Variants in EDIL3 observed in about 807,000 individuals in gnomAD.
EDIL3 encodes the protein EGF like and discoidin domains 3, also known as EGF-like repeat and discoidin I-like domain-containing protein 3.
EDIL3 carries 37 observed loss-of-function variants against 67.4 expected under a neutral mutation model. The ratio of observed to expected loss-of-function variants is 0.55; its 90% CI spans 0.42 to 0.72. EDIL3 has a LOEUF of 0.72. EDIL3 is among the 30% of genes least tolerant of loss of function. EDIL3 has a pLI of 0.00. For missense variants in EDIL3, 527 were observed against 586.3 expected (o/e 0.90, Z 1.04); for synonymous variants, 195 against 196.3 (o/e 0.99, Z 0.05).
intron 6 of EDIL3, among the ~76,000 whole-genome samples, chr5:84,073,397 A>G (rs541244090): frequency 2.7e-4 from 41 of 152,314 alleles, no homozygotes; most frequent in African/African-American, 9.6e-4. Flanking sequence ...GGAAAAGAGG[A>G]AGTCAAATTG....
At chr5:84,310,398 A>G (rs1156339409) in intron 1 of EDIL3, among the ~76,000 whole-genome samples, 1 of 152,216 alleles carries the variant, frequency 6.6e-6, no homozygotes, top group Non-Finnish European at 1.5e-5. Flanking sequence ...CATTATGTTA[A>G]AACCATGTAT....
chr5:84,086,822 T>G (rs10073918), intron 6 of EDIL3, among the ~76,000 whole-genome samples: 56,177 of 151,910 alleles, frequency 0.37, 10,601 homozygotes, highest in Middle Eastern at 0.46. Flanking sequence ...ACGCAGAAGG[T>G]GCTGATAAAT....
intron 5 of EDIL3, among the ~76,000 whole-genome samples, chr5:84,128,141 A>G (rs1014533516): frequency 6.6e-6 from 1 of 152,116 alleles, no homozygotes; most frequent in East Asian, 1.9e-4. Context: ...CTAGGGTCAC[A>G]CTAGCTGTTG....
intron 6 of EDIL3, among the ~76,000 whole-genome samples, chr5:84,092,685 A>G (rs1204458432): frequency 6.6e-6 from 1 of 152,214 alleles, no homozygotes; most frequent in Admixed American, 6.5e-5. Context: ...ATAATTTTAC[A>G]TTAACAATAT....
intron 6 of EDIL3, among the ~76,000 whole-genome samples, chr5:84,098,038 G>A (rs371169460): frequency 3.7e-4 from 56 of 151,190 alleles, no homozygotes; most frequent in African/African-American, 1.2e-3. Flanking sequence ...TTAATGTAGT[G>A]GTTAATTATT....
At chr5:83,970,176 T>C (rs892287112) in intron 9 of EDIL3, among the ~76,000 whole-genome samples, 2 of 150,890 alleles carry the variant, frequency 1.3e-5, no homozygotes, top group African/African-American at 2.4e-5. Flanking sequence ...AATTGAAAAG[T>C]GGCATTTTTA....
chr5:83,963,835 G>T (rs2112130432), intron 9 of EDIL3, among the ~76,000 whole-genome samples: 1 of 151,666 alleles, frequency 6.6e-6, no homozygotes, highest in Non-Finnish European at 1.5e-5. Context: ...AATAGTATTA[G>T]ATTTTCACAA....
intron 4 of EDIL3, among the ~76,000 whole-genome samples, chr5:84,168,208 G>A (rs998903453): frequency 6.6e-6 from 1 of 151,968 alleles, no homozygotes; most frequent in Non-Finnish European, 1.5e-5. Context: ...TGTAAATGAT[G>A]TTCTATTTTT....
chr5:84,171,491 G>C (rs1402025995), intron 4 of EDIL3, among the ~76,000 whole-genome samples: 1 of 152,152 alleles, frequency 6.6e-6, no homozygotes, highest in Non-Finnish European at 1.5e-5. Flanking sequence ...TGTTGCAGGG[G>C]GTGGATCCGA....
chr5:84,176,812 GATAT>G (rs10694924), intron 4 of EDIL3, among the ~76,000 whole-genome samples: 14 of 149,014 alleles, frequency 9.4e-5, no homozygotes, highest in Non-Finnish European at 1.5e-4. Flanking sequence ...ATTCTTCTAT[GATAT>G]ATATATATAT....
At chr5:84,085,806 T>A (rs1283590854) in intron 6 of EDIL3, among the ~76,000 whole-genome samples, 1 of 152,150 alleles carries the variant, frequency 6.6e-6, no homozygotes, top group Non-Finnish European at 1.5e-5. Flanking sequence ...TGCCCCTCCC[T>A]CCATGTGCTC....
intron 8 of EDIL3, among the ~76,000 whole-genome samples, chr5:84,063,152 G>A (rs1746574580): frequency 6.6e-6 from 1 of 152,090 alleles, no homozygotes; most frequent in Non-Finnish European, 1.5e-5. Flanking sequence ...CGTGCCATGT[G>A]TGAAAGACTG....
rs992267860 is a variant in EDIL3, at chr5:84,384,624, G to C, written c.-250C>G. ...GGTGGGTGAGCTCCGGGGAGCCGCC[G>C]GCGGGCTCAGCCCTCCGCTGCGGGT... On this transcript the variant is annotated 5_prime_UTR_variant, in exon 1 of 11. Transcript: ENST00000296591. The C allele has an allele frequency of 4.3e-5, 13 of 300,274 alleles. No individual in the cohort carries two copies. The highest frequency in any genetic ancestry group is 7.3e-5 in the Non-Finnish European group (12 of 163,998). The allele number at this position is 300,274 out of a possible 1,614,324, so 18.6% of individuals were successfully genotyped here.
chr5:84,295,357 A>G (rs1187708074), intron 1 of EDIL3, among the ~76,000 whole-genome samples: 2 of 152,088 alleles, frequency 1.3e-5, no homozygotes, highest in Non-Finnish European at 2.9e-5. Context: ...AAAAAAGTCT[A>G]AAATATTTCA....
At chr5:84,048,294 G>A (rs1214549727) in intron 9 of EDIL3, 3 of 430,434 alleles carry the variant, frequency 7.0e-6, no homozygotes, top group Non-Finnish European at 1.4e-5. Flanking sequence ...TTGTTCAGAA[G>A]GCAAAATAAG....
chr5:84,297,675 T>C (rs1746078153), intron 1 of EDIL3, among the ~76,000 whole-genome samples: 1 of 152,132 alleles, frequency 6.6e-6, no homozygotes. Flanking sequence ...ATGCTATTTA[T>C]TGGTAATCCA....
intron 2 of EDIL3, among the ~76,000 whole-genome samples, chr5:84,252,426 G>A (rs1363155460): frequency 1.4e-5 from 2 of 141,242 alleles, no homozygotes; most frequent in Non-Finnish European, 3.0e-5. Flanking sequence ...CCCGGGGTGC[G>A]GAGCTTGCAG....
chr5:84,065,944 T>A (rs4703981), intron 7 of EDIL3, among the ~76,000 whole-genome samples: 28,678 of 151,536 alleles, frequency 0.19, 3,025 homozygotes, highest in Admixed American at 0.24. Flanking sequence ...TGAAACCCCA[T>A]CTCTACTAAA....
intron 6 of EDIL3, among the ~76,000 whole-genome samples, chr5:84,069,722 C>T (rs780672552): frequency 2.0e-5 from 3 of 152,034 alleles, no homozygotes; most frequent in Non-Finnish European, 2.9e-5. Flanking sequence ...AGGGCAGGGA[C>T]CCTGGCGAGC....
Sources: allele counts gnomAD v4.1 joint callset (sites outside exome capture counted in the v4.1 genomes callset), GRCh38; gene constraint gnomAD v4.1.1; transcripts MANE v1.5; gene names NCBI Gene and HGNC (gene_info 2026-07-23, HGNC 2026-07-21).